Variants in NCOA3 observed in about 807,000 individuals in gnomAD.
The protein encoded by NCOA3 is CBP-interacting protein.
Under a neutral mutation model 158.8 loss-of-function variants are expected in NCOA3, and 51 were observed. That is an observed-to-expected ratio of 0.32 (90% CI 0.26 to 0.41). The LOEUF (loss-of-function observed/expected upper bound fraction) is 0.41. Ranked by LOEUF, NCOA3 falls within the 10% of genes least tolerant of loss-of-function variation. The pLI is 1.00. For synonymous variants in NCOA3, 537 were observed against 592.4 expected (o/e 0.91, Z 1.36); for missense variants, 1,510 against 1,746.6 (o/e 0.86, Z 2.41).
chr20:47,526,894 C>T (rs1003280813), intron 1 of NCOA3, among the ~76,000 whole-genome samples: 4 of 152,262 alleles, frequency 2.6e-5, no homozygotes, highest in East Asian at 1.9e-4. Flanking sequence ...CCACCTGCCT[C>T]GGCCTCCCAA....
chr20:47,593,018 C>T (rs1310897287), intron 2 of NCOA3, among the ~76,000 whole-genome samples: 1 of 152,132 alleles, frequency 6.6e-6, no homozygotes, highest in African/African-American at 2.4e-5. Flanking sequence ...ACTACAATCT[C>T]TGCCTCCCAG....
chr20:47,591,684 GGTT>G (rs144064026), intron 2 of NCOA3, among the ~76,000 whole-genome samples: 4,204 of 150,780 alleles, frequency 0.028, 222 homozygotes, highest in African/African-American at 0.097. Flanking sequence ...GAAAATTCTG[GGTT>G]GTTGATTTTT....
chr20:47,604,096 A>G (rs1414053956), intron 2 of NCOA3, among the ~76,000 whole-genome samples: 1 of 151,756 alleles, frequency 6.6e-6, no homozygotes. Flanking sequence ...TTAAGAGGCC[A>G]AATTCCATTT....
At chr20:47,629,077 T>C (rs989299458) in intron 8 of NCOA3, among the ~76,000 whole-genome samples, 5 of 152,304 alleles carry the variant, frequency 3.3e-5, no homozygotes, top group African/African-American at 1.2e-4. Flanking sequence ...ACAAGTGATA[T>C]AAAAATGGAG....
rs189947729 is a variant in NCOA3, at chr20:47,576,720, G to A, written c.-98-6463G>A. On this transcript the variant is annotated intron_variant, in intron 1 of 22. Transcript: ENST00000371998. ...TTGCAGCCCGAGGGGTCAGCATGCA[G>A]CCTGTGTTTCCTGATTGGCTGCTAA... is the stretch of plus-strand genomic sequence containing the variant. 1.8e-4 allele frequency among the ~76,000 whole-genome samples: 28 copies of A among 152,336 alleles called. No individual in the cohort carries two copies. In the South Asian group the frequency reaches 3.3e-3, roughly 18 times the overall value.
Position 47,512,793 on chromosome 20 carries a change from C to T in NCOA3, c.-99+10774C>T, listed in dbSNP as rs116983666. The stretch of plus-strand genomic sequence containing the variant: ...GTGGAACAACTAGAACTGTATCATA[C>T]GTGGATACATGGCTAGGAGAAATGT... On this transcript the variant is annotated intron_variant, in intron 1 of 22. Coordinates refer to ENST00000371998, the MANE Select transcript of NCOA3 (RefSeq NM_181659.3). Among the ~76,000 whole-genome samples, 32 of 152,232 alleles carry T rather than the reference C, an allele frequency of 2.1e-4. 1 individual carries two copies. In the East Asian group the frequency reaches 6.0e-3, roughly 28 times the overall value.
Position 47,616,473 on chromosome 20 carries a change from G to A in NCOA3, c.-19-5756G>A, listed in dbSNP as rs139917628. Among the ~76,000 whole-genome samples, 1,290 of 152,184 alleles carry A rather than the reference G, an allele frequency of 8.5e-3. 14 individuals carry two copies. The highest frequency in any genetic ancestry group is 0.013 in the Non-Finnish European group (918 of 68,008). On this transcript the variant is annotated intron_variant, in intron 2 of 22. Coordinates refer to ENST00000371998, the MANE Select transcript of NCOA3 (RefSeq NM_181659.3). ...CTCCCAAAGTGCTAGGATTACAGGC[G>A]TGAGCCACCCCGCCCAGCCTTTTAA... is the stretch of plus-strand genomic sequence containing the variant.
chr20:47,505,474 T>C (rs1602310244), intron 1 of NCOA3, among the ~76,000 whole-genome samples: 1 of 152,138 alleles, frequency 6.6e-6, no homozygotes, highest in Non-Finnish European at 1.5e-5. Context: ...TGACTTTTGG[T>C]CTACAACAGC....
intron 1 of NCOA3, among the ~76,000 whole-genome samples, chr20:47,511,776 A>G (rs1412162390): frequency 6.6e-6 from 1 of 150,538 alleles, no homozygotes; most frequent in East Asian, 1.9e-4. Context: ...CTGATCTTGA[A>G]CTCCTGGCAT....
chr20:47,608,835 C>T (rs996008751), intron 2 of NCOA3, among the ~76,000 whole-genome samples: 7 of 151,982 alleles, frequency 4.6e-5, no homozygotes, highest in African/African-American at 1.7e-4. Flanking sequence ...AACCTTTCAC[C>T]TTGTTGTATT....
At chr20:47,508,736 C>T (rs770359825) in intron 1 of NCOA3, among the ~76,000 whole-genome samples, 1 of 152,126 alleles carries the variant, frequency 6.6e-6, no homozygotes. Context: ...CAAAACAGAA[C>T]TTTGATTAAA....
rs369516174 is a variant in NCOA3 at position 47,570,939 on chromosome 20, T to TATACACAC, written c.-98-12243_-98-12242insTACACACA. On this transcript the variant is annotated intron_variant, in intron 1 of 22. Coordinates refer to ENST00000371998, the MANE Select transcript of NCOA3 (RefSeq NM_181659.3). The stretch of plus-strand genomic sequence containing the variant: ...CACCGTTAATGAGCAGTAATATATA[T>TATACACAC]ACACACACACACACACACACACACA... 5.3e-3 allele frequency among the ~76,000 whole-genome samples: 613 copies of TATACACAC among 114,908 alleles called. 4 individuals are homozygous for TATACACAC. Among genetic ancestry groups the TATACACAC allele is most frequent in the African/African-American group, 0.02 (567 of 28,468 alleles). The allele number at this position is 114,908 out of a possible 152,430, so 75.4% of individuals were successfully genotyped here.
At chr20:47,644,630 G>C (rs563561652) in intron 17 of NCOA3, among the ~76,000 whole-genome samples, 8 of 152,302 alleles carry the variant, frequency 5.3e-5, no homozygotes, top group African/African-American at 1.9e-4. Context: ...AGCAGCATCA[G>C]TTGTCTTTAC....
intron 1 of NCOA3, among the ~76,000 whole-genome samples, chr20:47,536,262 A>G (rs1389652001): frequency 6.6e-6 from 1 of 152,112 alleles, no homozygotes; most frequent in Non-Finnish European, 1.5e-5. Flanking sequence ...ACAGGTGTGC[A>G]CCTACATGCC....
In NCOA3 at chr20:47,636,704, C is replaced by G; in HGVS notation, c.2318C>G (p.Thr773Ser). 6.2e-7 allele frequency: 1 copy of G among 1,614,088 alleles called. No homozygotes were observed. Among genetic ancestry groups the G allele is most frequent in the African/African-American group, 1.3e-5 (1 of 75,038 alleles). ...AAAATGAGTCAGTGCACCAGCTCCA[C>G]CATTCCTAGCTCAAGTCAAGAGAAA... Reference protein sequence around the residue: ...DNKMSQCTSSTIPSSSQEKDP... With the variant: ...DNKMSQCTSSSIPSSSQEKDP... Residue 773 changes from threonine to serine, a missense_variant, in exon 12 of 23, where the codon ACC becomes AGC. Coordinates refer to ENST00000371998, the MANE Select transcript of NCOA3 (RefSeq NM_181659.3).
intron 2 of NCOA3, among the ~76,000 whole-genome samples, chr20:47,594,355 C>G (rs2085707385): frequency 6.6e-6 from 1 of 152,008 alleles, no homozygotes; most frequent in Non-Finnish European, 1.5e-5. Flanking sequence ...GCGTGATAAC[C>G]AGTCAGATTA....
At chr20:47,552,622 T>C (rs2084941417) in intron 1 of NCOA3, among the ~76,000 whole-genome samples, 1 of 152,226 alleles carries the variant, frequency 6.6e-6, no homozygotes, top group South Asian at 2.1e-4. Context: ...TGCTGTTAAT[T>C]TTCCTTGTCC....
In NCOA3 at chr20:47,501,921, C is replaced by G. The variant is rs1602303309; in HGVS notation, c.-197C>G. 5.0e-6 allele frequency: 2 copies of G among 400,332 alleles called. No individual in the cohort carries two copies. Among genetic ancestry groups the G allele is most frequent in the Admixed American group, 4.4e-5 (1 of 22,698 alleles). The allele number at this position is 400,332 out of a possible 1,614,324, so 24.8% of individuals were successfully genotyped here. A position where few individuals can be genotyped will look rare whatever the true frequency, so the allele number is the denominator to read the frequency against. On this transcript the variant is annotated 5_prime_UTR_variant, in exon 1 of 23. Transcript: ENST00000371998. ...TGTCTCAGCCGCTCCACAGCGACGG[C>G]AGCGGCTGCGGCTTAGTCGGTGGCG...
chr20:47,637,313 A>G (rs1568746051), intron 12 of NCOA3, among the ~76,000 whole-genome samples: 1 of 152,178 alleles, frequency 6.6e-6, no homozygotes, highest in Non-Finnish European at 1.5e-5. Context: ...ACTTATTTTC[A>G]GAAGGTTTGT....
Sources: gnomAD v4.1 joint callset for allele counts (sites outside exome capture counted in the v4.1 genomes callset) on GRCh38, gnomAD v4.1.1 for gene constraint, MANE v1.5 for transcripts, NCBI Gene and HGNC (gene_info 2026-07-23, HGNC 2026-07-21) for gene names.